CWC27: variants seen among roughly 807,000 people sequenced by gnomAD.
The protein encoded by CWC27 is CWC27 spliceosome associated cyclophilin, also known as spliceosome-associated protein CWC27 homolog.
CWC27 carries 47 observed loss-of-function variants against 63.6 expected under a neutral mutation model. The observed-to-expected ratio is 0.74, with a 90% CI of 0.58 to 0.94. The LOEUF (loss-of-function observed/expected upper bound fraction) is 0.94. Among genes scored for constraint, CWC27 ranks in the 40% least tolerant of loss-of-function variants. The pLI is 0.00. For synonymous variants in CWC27, 175 were observed against 179.8 expected (o/e 0.97, Z 0.22); for missense variants, 495 against 554.3 (o/e 0.89, Z 1.07).
intron 10 of CWC27, among the ~76,000 whole-genome samples, chr5:64,819,733 G>T (rs368431600): frequency 4.0e-4 from 61 of 152,204 alleles, no homozygotes; most frequent in Middle Eastern, 3.4e-3. Context: ...TATTAGTAGC[G>T]TGAGAATGGA....
rs181695883 is a variant in CWC27 at position 64,872,098 on chromosome 5, A to G, written c.939-13345A>G. ...AAGGATAAATATAGGGAGCTTGTGC[A>G]TCAGTATTGAGAGTTCAGAAAAGTC... On this transcript the variant is annotated intron_variant, in intron 10 of 13. Coordinates refer to ENST00000381070, the MANE Select transcript of CWC27 (RefSeq NM_005869.4). Among the ~76,000 whole-genome samples, 27 of 152,280 alleles carry G rather than the reference A, an allele frequency of 1.8e-4. No homozygotes were observed. The East Asian group carries it at 3.7e-3, about 21-fold the overall frequency.
chr5:64,782,473 A>AATAAATAAATAG (rs1743735189), intron 3 of CWC27, among the ~76,000 whole-genome samples: 1 of 151,626 alleles, frequency 6.6e-6, no homozygotes, highest in Non-Finnish European at 1.5e-5. Flanking sequence ...TAAATAAATA[A>AATAAATAAATAG]ATAAATAAAT....
intron 10 of CWC27, among the ~76,000 whole-genome samples, chr5:64,805,804 A>G (rs7723197): frequency 0.36 from 55,160 of 151,924 alleles, 10,592 homozygotes; most frequent in East Asian, 0.51. Context: ...GTGTCTTTAA[A>G]AAATTGTTTA....
chr5:65,003,585 G>T (rs1000920629), intron 13 of CWC27, among the ~76,000 whole-genome samples: 5 of 152,150 alleles, frequency 3.3e-5, no homozygotes, highest in African/African-American at 9.7e-5. Flanking sequence ...TGCAGTTGTG[G>T]TCTAGTGGGG....
intron 10 of CWC27, among the ~76,000 whole-genome samples, chr5:64,853,287 A>G (rs967446284): frequency 1.3e-5 from 2 of 152,068 alleles, no homozygotes; most frequent in Non-Finnish European, 2.9e-5. Context: ...TGAATCATGA[A>G]CCTCTGTTTC....
chr5:64,778,018 TTAAAA>T (rs1343003381), intron 2 of CWC27, among the ~76,000 whole-genome samples: 3 of 152,024 alleles, frequency 2.0e-5, no homozygotes, highest in African/African-American at 7.2e-5. Flanking sequence ...AAAGAAAATC[TTAAAA>T]TAAAAAGCCA....
At chr5:64,872,233 A>G (rs1746691244) in intron 10 of CWC27, among the ~76,000 whole-genome samples, 1 of 152,172 alleles carries the variant, frequency 6.6e-6, no homozygotes, top group Non-Finnish European at 1.5e-5. Context: ...ATGTGACTCA[A>G]ACAGAATGAC....
intron 11 of CWC27, among the ~76,000 whole-genome samples, chr5:64,956,709 C>T (rs1195818883): frequency 1.3e-5 from 2 of 152,160 alleles, no homozygotes; most frequent in African/African-American, 4.8e-5. Context: ...GTACCACCTA[C>T]CACCATAACT....
chr5:64,842,818 T>C (rs1024810867), intron 10 of CWC27, among the ~76,000 whole-genome samples: 3 of 151,600 alleles, frequency 2.0e-5, no homozygotes, highest in African/African-American at 7.3e-5. Flanking sequence ...CCCAAGCTGG[T>C]CTCAAACTCC....
chr5:64,867,212 C>T (rs943199464), intron 10 of CWC27, among the ~76,000 whole-genome samples: 1 of 151,982 alleles, frequency 6.6e-6, no homozygotes, highest in South Asian at 2.1e-4. Flanking sequence ...ACAGCTAGTG[C>T]GGTGTTGAGC....
At chr5:64,836,611 G>T (rs936079409) in intron 10 of CWC27, among the ~76,000 whole-genome samples, 6 of 151,890 alleles carry the variant, frequency 4.0e-5, no homozygotes, top group Non-Finnish European at 5.9e-5. Flanking sequence ...GAATGAGTTG[G>T]CTCATTCACA....
chr5:64,814,469 C>T (rs1040389124), intron 10 of CWC27, among the ~76,000 whole-genome samples: 3 of 152,142 alleles, frequency 2.0e-5, no homozygotes, highest in Admixed American at 6.6e-5. Flanking sequence ...ACCTTGGGGT[C>T]AGACACTTTG....
At position 64,898,875 on chromosome 5, in the gene CWC27, A is replaced by G. The variant is rs1747440142; in HGVS notation, c.1042+13329A>G. ...TTCAACCCGACCCACCTCCATGCCT[A>G]TATTCCAGCAACGGGGAAGAGGAAA... is the stretch of plus-strand genomic sequence containing the variant. On this transcript the variant is annotated intron_variant, in intron 11 of 13. Transcript: ENST00000381070. Among the ~76,000 whole-genome samples the G allele has an allele frequency of 1.3e-5, 2 of 152,150 alleles. 1 individual carries two copies. Among genetic ancestry groups the G allele is most frequent in the South Asian group, 4.1e-4 (2 of 4,826 alleles).
intron 10 of CWC27, among the ~76,000 whole-genome samples, chr5:64,849,767 T>C (rs995841534): frequency 6.6e-6 from 1 of 151,980 alleles, no homozygotes; most frequent in Non-Finnish European, 1.5e-5. Flanking sequence ...TGAGTTCTCA[T>C]GAGATCTGAT....
chr5:64,788,460 A>C (rs112445695), intron 6 of CWC27, among the ~76,000 whole-genome samples: 1 of 151,898 alleles, frequency 6.6e-6, no homozygotes, highest in Non-Finnish European at 1.5e-5. Flanking sequence ...CTTGTGGGCT[A>C]TTTTAGTTGT....
intron 11 of CWC27, among the ~76,000 whole-genome samples, chr5:64,922,541 T>C (rs1299133371): frequency 6.6e-6 from 1 of 152,226 alleles, no homozygotes; most frequent in Non-Finnish European, 1.5e-5. Context: ...AGTTTACTGT[T>C]TTCCTTGGAT....
intron 10 of CWC27, among the ~76,000 whole-genome samples, chr5:64,885,149 G>A (rs1288756729): frequency 1.3e-5 from 2 of 152,150 alleles, no homozygotes; most frequent in East Asian, 3.9e-4. Flanking sequence ...TTATTAAACT[G>A]AAACTAGAAT....
At chr5:64,854,136 A>G (rs1390209893) in intron 10 of CWC27, among the ~76,000 whole-genome samples, 3 of 152,218 alleles carry the variant, frequency 2.0e-5, no homozygotes, top group Non-Finnish European at 4.4e-5. Context: ...ACTATGTATC[A>G]GTTTCCTTTT....
At chr5:64,982,850 C>T (rs987451663) in intron 13 of CWC27, among the ~76,000 whole-genome samples, 2 of 152,184 alleles carry the variant, frequency 1.3e-5, no homozygotes, top group Admixed American at 1.3e-4. Context: ...AGGAACTGAG[C>T]CGCCCAGCAG....
Sources: gnomAD v4.1 joint callset for allele counts (sites outside exome capture counted in the v4.1 genomes callset) on GRCh38, gnomAD v4.1.1 for gene constraint, MANE v1.5 for transcripts, NCBI Gene and HGNC (gene_info 2026-07-23, HGNC 2026-07-21) for gene names.